Variants in IAPP observed in about 807,000 individuals in gnomAD.
IAPP encodes the protein Islet amyloid polypeptide (diabetes-associated peptide; amylin).
In IAPP, 4 loss-of-function variants were observed where a neutral mutation model predicts 2.9. The observed-to-expected ratio is 1.39, with a 90% CI of 0.69 to 3.19. The LOEUF is 3.19. Ranked by LOEUF, IAPP falls within the 30% of genes most tolerant of loss-of-function variation. The probability of loss-of-function intolerance (pLI) is 0.01; values close to 1 mark genes in which losing one functional copy is unlikely to be tolerated. For synonymous variants in IAPP, 40 were observed against 42.1 expected (o/e 0.95, Z 0.19); for missense variants, 114 against 105.3 (o/e 1.08, Z -0.36).
chr12:21,368,917 T>A (rs947932613), upstream of IAPP, among the ~76,000 whole-genome samples: 1 of 152,234 alleles, frequency 6.6e-6, no homozygotes, highest in Admixed American at 6.5e-5. Context: ...ATATAAAATG[T>A]AAATTTAATA....
intron 1 of IAPP, among the ~76,000 whole-genome samples, chr12:21,365,526 C>A (rs1460340263): frequency 6.6e-6 from 1 of 152,098 alleles, no homozygotes; most frequent in Non-Finnish European, 1.5e-5. Flanking sequence ...GCAATGGCAA[C>A]AAAAGCCAAA....
chr12:21,364,179 C>T (rs1939179296), intron 1 of IAPP, among the ~76,000 whole-genome samples: 1 of 152,190 alleles, frequency 6.6e-6, no homozygotes. Context: ...TCCAGCAACA[C>T]ATCAAAAAGC....
chr12:21,357,811 G>A (rs1417753644), intron 1 of IAPP, among the ~76,000 whole-genome samples: 1 of 152,120 alleles, frequency 6.6e-6, no homozygotes, highest in East Asian at 1.9e-4. Context: ...CTTAAAAAAT[G>A]CATTTTCTTT....
At chr12:21,366,228 GA>G (rs1309115526) in intron 1 of IAPP, among the ~76,000 whole-genome samples, 1 of 152,150 alleles carries the variant, frequency 6.6e-6, no homozygotes, top group East Asian at 1.9e-4. Flanking sequence ...CATAAAAAAG[GA>G]TGAGTTCATA....
upstream of IAPP, among the ~76,000 whole-genome samples, chr12:21,368,663 A>G (rs1266096998): frequency 6.6e-6 from 1 of 152,138 alleles, no homozygotes; most frequent in Non-Finnish European, 1.5e-5. Flanking sequence ...TAAATAATAC[A>G]GTGGGAGGTG....
chr12:21,378,287 G>T lies in IAPP; in HGVS notation c.131G>T (p.Arg44Leu). ...AACACTGCCACATGTGCAACGCAGCGCCTGGCAAATTTTTTAGTTCATTCC... is the reference window on the plus strand; with the variant it reads ...AACACTGCCACATGTGCAACGCAGCTCCTGGCAAATTTTTTAGTTCATTCC... The part of the protein sequence containing the change: ...KCNTATCATQ[R>L]LANFLVHSSN... The change falls in exon 3 of 3, where the codon CGC becomes CTC. Residue 44 changes from arginine to leucine, a missense_variant. By Grantham distance (102) the Arg-to-Leu change is moderately radical. Coordinates refer to ENST00000240652, the MANE Select transcript of IAPP (RefSeq NM_000415.3). 1 of 1,614,130 alleles carries T rather than the reference G, an allele frequency of 6.2e-7. No homozygotes were observed. The highest frequency in any genetic ancestry group is 8.5e-7 in the Non-Finnish European group (1 of 1,179,998).
chr12:21,363,269 A>C (rs1939083172), intron 1 of IAPP, among the ~76,000 whole-genome samples: 1 of 152,182 alleles, frequency 6.6e-6, no homozygotes, highest in African/African-American at 2.4e-5. Context: ...CTACATGGAA[A>C]CTGAACAACC....
intron 1 of IAPP, among the ~76,000 whole-genome samples, chr12:21,363,719 C>T (rs1157224122): frequency 6.6e-6 from 1 of 152,118 alleles, no homozygotes; most frequent in Non-Finnish European, 1.5e-5. Context: ...GGGGATATCA[C>T]CATCGATCCT....
intron 1 of IAPP, among the ~76,000 whole-genome samples, chr12:21,360,844 C>T (rs868252093): frequency 1.3e-5 from 2 of 152,148 alleles, no homozygotes; most frequent in South Asian, 2.1e-4. Flanking sequence ...GGGGGAGGGG[C>T]GTCCGCCATT....
At chr12:21,374,347 C>T (rs1565521539) in intron 2 of IAPP, 1 of 152,166 alleles carries the variant, frequency 6.6e-6, no homozygotes, top group Non-Finnish European at 1.5e-5. Flanking sequence ...TCCATATAGT[C>T]TTATGGGACT....
chr12:21,360,929 T>G (rs1228127218), intron 1 of IAPP, among the ~76,000 whole-genome samples: 1 of 152,176 alleles, frequency 6.6e-6, no homozygotes, highest in African/African-American at 2.4e-5. Flanking sequence ...CAAGGAGGCC[T>G]GCCTGCCTCT....
At chr12:21,360,693 C>G (rs527997939) in intron 1 of IAPP, among the ~76,000 whole-genome samples, 26 of 152,216 alleles carry the variant, frequency 1.7e-4, no homozygotes, top group Non-Finnish European at 3.1e-4. Context: ...CACCCTAATA[C>G]TGCTCTTTTC....
At chr12:21,362,020 A>G (rs1282131741) in intron 1 of IAPP, among the ~76,000 whole-genome samples, 2 of 152,178 alleles carry the variant, frequency 1.3e-5, no homozygotes, top group Admixed American at 6.5e-5. Context: ...GAAGGCCAAC[A>G]TTCAAATTCA....
intron 1 of IAPP, among the ~76,000 whole-genome samples, chr12:21,361,949 G>A (rs187945905): frequency 6.6e-6 from 1 of 152,258 alleles, no homozygotes; most frequent in African/African-American, 2.4e-5. Flanking sequence ...GGGGAGAATG[G>A]AACCAAGTTG....
intron 1 of IAPP, among the ~76,000 whole-genome samples, chr12:21,359,222 C>T (rs1938618931): frequency 6.6e-6 from 1 of 152,160 alleles, no homozygotes; most frequent in Non-Finnish European, 1.5e-5. Context: ...TAACAACCTT[C>T]TCTAACCCTA....
At chr12:21,362,040 G>T (rs1343127048) in intron 1 of IAPP, among the ~76,000 whole-genome samples, 9 of 152,048 alleles carry the variant, frequency 5.9e-5, no homozygotes, top group Non-Finnish European at 1.0e-4. Context: ...AGAAAATACA[G>T]AGAATGCCAC....
At chr12:21,371,751 C>T (rs1266056934), upstream of IAPP, among the ~76,000 whole-genome samples, 2 of 152,036 alleles carry the variant, frequency 1.3e-5, no homozygotes, top group East Asian at 1.9e-4. Flanking sequence ...GCCTGTAATC[C>T]CAGCACTTTG....
chr12:21,374,989 T>C lies in IAPP; in HGVS notation c.80+1558T>C, dbSNP rs1455013377. Among the ~76,000 whole-genome samples, 4 of 152,154 alleles carry C rather than the reference T, an allele frequency of 2.6e-5. No homozygotes were observed. The East Asian group carries it at 7.7e-4, about 29-fold the overall frequency. ...CCACCATACCCAGCTAATTGTTTTA[T>C]CTTTATTTTATAGGGAAAGGGTCTC... is the stretch of plus-strand genomic sequence containing the variant. On this transcript the variant is annotated intron_variant, in intron 2 of 2. Coordinates refer to ENST00000240652, the MANE Select transcript of IAPP (RefSeq NM_000415.3).
chr12:21,375,053 A>C (rs1486509332), intron 2 of IAPP, among the ~76,000 whole-genome samples: 1 of 152,134 alleles, frequency 6.6e-6, no homozygotes, highest in Non-Finnish European at 1.5e-5. Context: ...CCTGGGCTCA[A>C]GCCTTCCTCC....
Sources: gnomAD v4.1 joint callset for allele counts (sites outside exome capture counted in the v4.1 genomes callset) on GRCh38, gnomAD v4.1.1 for gene constraint, MANE v1.5 for transcripts, NCBI Gene and HGNC (gene_info 2026-07-23, HGNC 2026-07-21) for gene names.